The following HGSNAT variants were observed in gnomAD, a reference collection of about 807,000 sequenced individuals.
The protein encoded by HGSNAT is transmembrane protein 76.
Under a neutral mutation model 85.2 loss-of-function variants are expected in HGSNAT, and 59 were observed. The observed-to-expected ratio is 0.69, with a 90% CI of 0.56 to 0.86. The LOEUF (loss-of-function observed/expected upper bound fraction) is 0.86, where lower values mean the gene tolerates loss of function less well. HGSNAT is among the 40% of genes least tolerant of loss of function. HGSNAT has a pLI of 0.00. For missense variants in HGSNAT, 756 were observed against 777.1 expected, an observed-to-expected ratio of 0.97 and a Z score of 0.32; for synonymous variants, 321 against 304.5, an observed-to-expected ratio of 1.05 and a Z score of -0.56.
intron 2 of HGSNAT, among the ~76,000 whole-genome samples, chr8:43,147,708 T>A (rs188676051): frequency 2.0e-5 from 3 of 152,114 alleles, no homozygotes; most frequent in Non-Finnish European, 4.4e-5. Flanking sequence ...TGGGTACTTA[T>A]GAACATAAAG....
chr8:43,197,545 A>G, intron 15 of HGSNAT, 127 bp from the exon 16 acceptor site: 1 of 707,308 alleles, frequency 1.4e-6, no homozygotes, highest in Non-Finnish European at 2.4e-6. Flanking sequence ...TTTAAAAGAG[A>G]AAAATATAAG....
intron 10 of HGSNAT, among the ~76,000 whole-genome samples, chr8:43,179,442 G>A (rs1382566877): frequency 3.7e-5 from 4 of 109,108 alleles, no homozygotes; most frequent in South Asian, 3.3e-4. Flanking sequence ...AGGGGCGGCC[G>A]GGCAGAGGCG....
rs746345650 is a variant in HGSNAT, at chr8:43,158,643, C to T, written c.303C>T (p.Ala101=). Residue 101 remains alanine (A), a synonymous_variant, in exon 3 of 18, where the codon GCC becomes GCT. Transcript: ENST00000379644. ...CAGGGAAGCCTAGTGCTGCAGCTGC[C>T]TCTGTCAGCACCCAGCACGGATCTA... ...PKAGKPSAAA[A]SVSTQHGSIL... 2 of 1,613,956 alleles carry T rather than the reference C, an allele frequency of 1.2e-6. No homozygotes were observed. The highest frequency in any genetic ancestry group is 2.2e-5 in the South Asian group (2 of 91,070).
At chr8:43,167,923 CTTT>C (rs71231896) in intron 5 of HGSNAT, 140 of 236,464 alleles carry the variant, frequency 5.9e-4, no homozygotes, top group South Asian at 1.2e-3. Context: ...TTCTTTCTTT[CTTT>C]TTTTTTTTTT....
intron 13 of HGSNAT, among the ~76,000 whole-genome samples, chr8:43,192,903 C>T (rs1804589155): frequency 6.6e-6 from 1 of 152,130 alleles, no homozygotes; most frequent in Non-Finnish European, 1.5e-5. Flanking sequence ...GGAAGTGGAT[C>T]AGGCAGTCCT....
At chr8:43,199,019 A>G (rs1157500032) in intron 17 of HGSNAT, among the ~76,000 whole-genome samples, 1 of 152,152 alleles carries the variant, frequency 6.6e-6, no homozygotes, top group African/African-American at 2.4e-5. Flanking sequence ...CTTGTGCCTC[A>G]GCCTCCCAAG....
intron 5 of HGSNAT, among the ~76,000 whole-genome samples, chr8:43,167,286 A>G (rs1475594723): frequency 6.6e-6 from 1 of 152,218 alleles, no homozygotes; most frequent in African/African-American, 2.4e-5. Flanking sequence ...GTAAAATGCT[A>G]TCAAACAGCA....
chr8:43,156,415 C>T (rs2130708237), intron 2 of HGSNAT, among the ~76,000 whole-genome samples: 1 of 152,222 alleles, frequency 6.6e-6, no homozygotes, highest in South Asian at 2.1e-4. Flanking sequence ...AAGTGATTTT[C>T]CTGCCTCAGC....
At chr8:43,197,227 A>G (rs1219002836) in intron 15 of HGSNAT, 8 of 594,878 alleles carry the variant, frequency 1.3e-5, no homozygotes, top group Admixed American at 2.9e-5. Context: ...GTCTTTATCA[A>G]TAAGGCAGTG....
At chr8:43,169,745 C>G (rs909460948) in intron 6 of HGSNAT, among the ~76,000 whole-genome samples, 3 of 152,182 alleles carry the variant, frequency 2.0e-5, no homozygotes, top group Admixed American at 6.5e-5. Context: ...CAGTAAAAGG[C>G]AGGAAAAGCT....
chr8:43,182,122 G>A, intron 10 of HGSNAT, 23 bp from the exon 11 acceptor site: 1 of 1,578,640 alleles, frequency 6.3e-7, no homozygotes, highest in Non-Finnish European at 8.7e-7. Flanking sequence ...GCTAACACTT[G>A]ACCTAACTTG....
In HGSNAT at chr8:43,155,424, A is replaced by G. The variant is rs553117073; in HGVS notation, c.235-3151A>G. Among the ~76,000 whole-genome samples the G allele has an allele frequency of 2.0e-5, 3 of 152,050 alleles. No homozygotes were observed. In the South Asian group the frequency reaches 6.2e-4, roughly 32 times the overall value. ...TAGTTGTATATGTCTTTTGAGAAAT[A>G]CCTATTTTGATTTATTGCCCATTTA... On this transcript the variant is annotated intron_variant, in intron 2 of 17. Transcript: ENST00000379644.
intron 10 of HGSNAT, among the ~76,000 whole-genome samples, chr8:43,181,286 T>C (rs78377893): frequency 3.0e-4 from 45 of 150,242 alleles, no homozygotes; most frequent in African/African-American, 1.1e-3. Flanking sequence ...CCACCTTCAC[T>C]GGCACTTGTA....
chr8:43,188,408 A>T (rs1804399653), intron 11 of HGSNAT, among the ~76,000 whole-genome samples: 1 of 152,120 alleles, frequency 6.6e-6, no homozygotes, highest in Admixed American at 6.6e-5. Flanking sequence ...TCAATCACTG[A>T]TACCCTTTCT....
intron 5 of HGSNAT, among the ~76,000 whole-genome samples, chr8:43,168,384 CTTTTTTTTT>C (rs34270087): frequency 4.7e-4 from 33 of 70,224 alleles, no homozygotes; most frequent in Non-Finnish European, 6.9e-4. Flanking sequence ...AATAGTTGAT[CTTTTTTTTT>C]TTTTTTTTTT....
chr8:43,169,316 A>G, intron 6 of HGSNAT, 74 bp downstream of exon 6: 2 of 967,980 alleles, frequency 2.1e-6, no homozygotes, highest in Non-Finnish European at 1.5e-6. Flanking sequence ...TTATTTAATC[A>G]TTATTGTCCA....
Position 43,140,538 on chromosome 8 carries a change from C to T in HGSNAT, c.42C>T (p.Ala14=). 4.4e-6 allele frequency: 5 copies of T among 1,142,516 alleles called. No individual in the cohort carries two copies. Among genetic ancestry groups the T allele is most frequent in the Non-Finnish European group, 5.4e-6 (5 of 933,148 alleles). The allele number at this position is 1,142,516 out of a possible 1,614,324, so 70.8% of individuals were successfully genotyped here. A position where few individuals can be genotyped will look rare whatever the true frequency, so the allele number is the denominator to read the frequency against. ...GGGCGCTGGCCGCGCTGCTGCTGGC[C>T]GCGTCCGTGCTGAGCGCCGCGCTGC... ...AGRALAALLL[A]ASVLSAALLA... The change falls in exon 1 of 18, where the codon GCC becomes GCT. Residue 14 remains alanine, a synonymous_variant. Transcript: ENST00000379644.
At chr8:43,185,672 A>C (rs535767610) in intron 11 of HGSNAT, among the ~76,000 whole-genome samples, 27 of 152,252 alleles carry the variant, frequency 1.8e-4, no homozygotes, top group African/African-American at 6.3e-4. Flanking sequence ...TTCCAATCCT[A>C]TGTTGAACAG....
intron 10 of HGSNAT, among the ~76,000 whole-genome samples, chr8:43,178,954 AAGGC>A (rs1472467950): frequency 6.8e-6 from 1 of 148,072 alleles, no homozygotes; most frequent in Non-Finnish European, 1.5e-5. Flanking sequence ...ACAGGATCCC[AAGGC>A]AGAAGAATTT....
Sources: gnomAD v4.1 joint callset for allele counts (sites outside exome capture counted in the v4.1 genomes callset) on GRCh38, gnomAD v4.1.1 for gene constraint, MANE v1.5 for transcripts, NCBI Gene and HGNC (gene_info 2026-07-23, HGNC 2026-07-21) for gene names.